Variants in ABCC12 observed in about 807,000 individuals in gnomAD.
The protein encoded by ABCC12 is ATP binding cassette subfamily C member 12, also known as ATP-binding cassette sub-family C member 12.
In ABCC12, 142 loss-of-function variants were observed where a neutral mutation model predicts 151.1. That is an observed-to-expected ratio of 0.94 (90% CI 0.82 to 1.08). ABCC12 has a LOEUF of 1.08. ABCC12 is among the 50% of genes least tolerant of loss of function. ABCC12 has a pLI of 0.00. For synonymous variants in ABCC12, 645 were observed against 646.4 expected (o/e 1.00, Z 0.03); for missense variants, 1,638 against 1,691.1 (o/e 0.97, Z 0.55).
intron 29 of ABCC12, 66 bp from the exon 30 acceptor site, chr16:48,084,139 T>C: frequency 1.4e-6 from 2 of 1,458,316 alleles, no homozygotes; most frequent in Non-Finnish European, 1.8e-6. Flanking sequence ...CTCGGCTCTA[T>C]TTACTTTAAA....
At chr16:48,086,535 G>C (rs1962610712) in intron 28 of ABCC12, 1 of 552,240 alleles carries the variant, frequency 1.8e-6, no homozygotes, top group African/African-American at 1.9e-5. Context: ...TACATGTAGT[G>C]CTCTTGACTG....
At chr16:48,130,698 C>A in intron 10 of ABCC12, 90 bp downstream of exon 10, 1 of 1,021,744 alleles carries the variant, frequency 9.8e-7, no homozygotes, top group South Asian at 1.4e-5. Context: ...ACCCAGCTCT[C>A]CAGCAGCTTG....
rs536362903 is a variant in ABCC12 at position 48,081,698 on chromosome 16, G to A, written c.*2017C>T. 1.3e-5 allele frequency among the ~76,000 whole-genome samples: 2 copies of A among 152,256 alleles called. No individual in the cohort carries two copies. The highest frequency in any genetic ancestry group is 2.4e-5 in the African/African-American group (1 of 41,540). On this transcript the variant is annotated 3_prime_UTR_variant, in exon 31 of 31. Coordinates refer to ENST00000311303, the MANE Select transcript of ABCC12 (RefSeq NM_001393797.1). ...CTCAGTAGACATCAGGATCAATGTC[G>A]GTGTTCTTCTTCTGCCAGAGTAAAC...
intron 29 of ABCC12, 22 bp downstream of exon 29, chr16:48,085,571 T>A: frequency 6.2e-7 from 1 of 1,607,540 alleles, no homozygotes; most frequent in Admixed American, 1.7e-5. Context: ...ATTTGACCAA[T>A]CCATTTTCCG....
rs1481885425 is a variant in ABCC12 at position 48,146,491 on chromosome 16, G to A, written c.-50-17C>T. 1.5e-6 allele frequency: 2 copies of A among 1,311,314 alleles called. No homozygotes were observed. The highest frequency in any genetic ancestry group is 3.4e-5 in the Admixed American group (2 of 58,914). The allele number at this position is 1,311,314 out of a possible 1,614,324, so 81.2% of individuals were successfully genotyped here. A position where few individuals can be genotyped will look rare whatever the true frequency, so the allele number is the denominator to read the frequency against. ...ACTTTCACTCTATGGCAGAGAAATG[G>A]CAAAGGTTATTGAGAGGTGAGGATG... On this transcript the variant is annotated splice_polypyrimidine_tract_variant and intron_variant, in intron 2 of 30. Coordinates refer to ENST00000311303, the MANE Select transcript of ABCC12 (RefSeq NM_001393797.1).
chr16:48,104,019 G>A, intron 22 of ABCC12, 123 bp downstream of exon 22: 2 of 1,063,844 alleles, frequency 1.9e-6, no homozygotes, highest in Admixed American at 2.7e-5. Flanking sequence ...CATTTACTAA[G>A]TACAAAAAAA....
chr16:48,148,081 G>A (rs548471463), intron 2 of ABCC12, among the ~76,000 whole-genome samples: 5 of 152,212 alleles, frequency 3.3e-5, no homozygotes, highest in East Asian at 1.9e-4. Context: ...CTGAGTAGCC[G>A]GGACTAGAGG....
intron 3 of ABCC12, among the ~76,000 whole-genome samples, chr16:48,145,611 C>T (rs978442340): frequency 2.0e-5 from 3 of 152,188 alleles, no homozygotes; most frequent in Non-Finnish European, 4.4e-5. Context: ...AGTTGCAAAC[C>T]TGAATCTCAA....
rs183606462 is a variant in ABCC12 at position 48,081,554 on chromosome 16, T to C, written c.*2161A>G. The stretch of plus-strand genomic sequence containing the variant: ...ATCTCTGTCCCTTCCTTCCTGGGCA[T>C]CTGTAGATAAGTTACTAACCTCAGT... On this transcript the variant is annotated 3_prime_UTR_variant, in exon 31 of 31. Transcript: ENST00000311303. Among the ~76,000 whole-genome samples the C allele has an allele frequency of 6.6e-6, 1 of 152,290 alleles. No individual in the cohort carries two copies. Among genetic ancestry groups the C allele is most frequent in the Non-Finnish European group, 1.5e-5 (1 of 68,028 alleles).
At chr16:48,115,649 G>T in intron 14 of ABCC12, 31 bp from the exon 15 acceptor site, 1 of 1,592,192 alleles carries the variant, frequency 6.3e-7, no homozygotes, top group Non-Finnish European at 8.6e-7. Flanking sequence ...ACTGCCCATT[G>T]TCAGCCCACC....
In ABCC12 at chr16:48,143,933, GT is replaced by G; in HGVS notation, c.251del (p.Asp84AlafsTer18). The G allele has an allele frequency of 6.2e-7, 1 of 1,614,192 alleles. No individual in the cohort carries two copies. The highest frequency in any genetic ancestry group is 8.5e-7 in the Non-Finnish European group (1 of 1,180,010). On this transcript the variant is annotated frameshift_variant, in exon 4 of 31. Coordinates refer to ENST00000311303, the MANE Select transcript of ABCC12 (RefSeq NM_001393797.1). LOFTEE classifies it high-confidence loss of function. ...VDTLPPLSTY[D>X]SSDTNAKRFR... ...ACCTTTTGGCATTGGTGTCAGATGA[GT>G]CATATGTCGACAATGGGGGCAGGGT...
chr16:48,154,455 GAGCACGGC>G (rs1965157135), intron 1 of ABCC12, among the ~76,000 whole-genome samples: 1 of 151,962 alleles, frequency 6.6e-6, no homozygotes, highest in Non-Finnish European at 1.5e-5. Flanking sequence ...CACTTACGTT[GAGCACGGC>G]AGCCCCTCCT....
chr16:48,131,270 C>G (rs768710097), intron 9 of ABCC12, among the ~76,000 whole-genome samples: 3 of 152,200 alleles, frequency 2.0e-5, no homozygotes, highest in Non-Finnish European at 4.4e-5. Flanking sequence ...TCCTAAAGCA[C>G]CCCCTGCTCT....
At position 48,128,542 on chromosome 16, in the gene ABCC12, G is replaced by A. The variant is rs374046311; in HGVS notation, c.1432C>T (p.Pro478Ser). The A allele has an allele frequency of 1.2e-5, 19 of 1,614,116 alleles. No individual in the cohort carries two copies. Among genetic ancestry groups the A allele is most frequent in the Non-Finnish European group, 1.5e-5 (18 of 1,180,050 alleles). The change falls in exon 11 of 31, where the codon CCA becomes TCA. Residue 478 changes from proline (P) to serine (S), a missense_variant. Transcript: ENST00000311303. ...TCTGGGCCAGTGGCTCCCTTGGCTG[G>A]TGGACTCCTCTCACTGTATGCCTCT... is the stretch of plus-strand genomic sequence containing the variant. ...RSEAYSERSP[P>S]AKGATGPEEQ...
chr16:48,142,661 C>A (rs572523802), intron 4 of ABCC12, among the ~76,000 whole-genome samples: 2 of 152,294 alleles, frequency 1.3e-5, no homozygotes, highest in South Asian at 4.1e-4. Flanking sequence ...CTTCCCCATT[C>A]TTTATATTAT....
chr16:48,139,994 T>C (rs916379293), intron 6 of ABCC12, among the ~76,000 whole-genome samples: 1 of 152,246 alleles, frequency 6.6e-6, no homozygotes, highest in African/African-American at 2.4e-5. Flanking sequence ...ATTATTCCCT[T>C]CTAGATTCCT....
chr16:48,111,819 C>G lies in ABCC12; in HGVS notation c.2081G>C (p.Arg694Pro). 6.2e-7 allele frequency: 1 copy of G among 1,614,154 alleles called. No homozygotes were observed. Residue 694 changes from arginine to proline, a missense_variant, in exon 16 of 31, where the codon CGC becomes CCC. Transcript: ENST00000311303. ...THKELMEERG[R>P]YAKLIHNLRG... is the part of the protein sequence containing the mutation. ...CAGGTTGTGAATCAGTTTTGCATAG[C>G]GCCCTCTCTCCTCCATTAACTCCTT... is the stretch of plus-strand genomic sequence containing the variant.
chr16:48,090,244 T>TA (rs1962821449), intron 25 of ABCC12, among the ~76,000 whole-genome samples: 1 of 152,180 alleles, frequency 6.6e-6, no homozygotes, highest in South Asian at 2.1e-4. Flanking sequence ...AAAAAAATTT[T>TA]AGAGTCAGGG....
intron 22 of ABCC12, among the ~76,000 whole-genome samples, 163 bp downstream of exon 22, chr16:48,103,979 T>C (rs552394864): frequency 6.6e-6 from 1 of 152,182 alleles, no homozygotes; most frequent in Non-Finnish European, 1.5e-5. Flanking sequence ...GCTCTGGGGC[T>C]AAAATGCCAG....
Sources: allele counts gnomAD v4.1 joint callset (sites outside exome capture counted in the v4.1 genomes callset), GRCh38; gene constraint gnomAD v4.1.1; transcripts MANE v1.5; gene names NCBI Gene and HGNC (gene_info 2026-07-23, HGNC 2026-07-21).